HUNK: variants seen among roughly 807,000 people sequenced by gnomAD.
HUNK encodes the protein hormonally up-regulated neu tumor-associated kinase.
A neutral mutation model predicts 61.0 loss-of-function variants in HUNK; 21 were observed. The observed-to-expected ratio is 0.34, with a 90% confidence interval of 0.24 to 0.50. The LOEUF is 0.50. Among genes scored for constraint, HUNK ranks in the 20% least tolerant of loss-of-function variants. The pLI is 0.98. For synonymous variants in HUNK, 371 were observed against 386.1 expected (o/e 0.96, Z 0.46); for missense variants, 772 against 945.7 (o/e 0.82, Z 2.41).
chr21:31,907,391 C>T (rs1161545680), intron 1 of HUNK, among the ~76,000 whole-genome samples: 3 of 152,184 alleles, frequency 2.0e-5, no homozygotes, highest in East Asian at 1.9e-4. Flanking sequence ...TGTCCTTTTA[C>T]GTACTGTGGC....
In HUNK at chr21:31,947,766, C is replaced by G. The variant is rs1209904799; in HGVS notation, c.746+1595C>G. On this transcript the variant is annotated intron_variant, in intron 4 of 10. Transcript: ENST00000270112. ...TGTCAGTGATGGTACAGGGTCAGTTCAGAGTCTTGGATTCTTGGATAGGAC... is the reference window on the plus strand; with the variant it reads ...TGTCAGTGATGGTACAGGGTCAGTTGAGAGTCTTGGATTCTTGGATAGGAC... Among the ~76,000 whole-genome samples, 5 of 152,180 alleles carry G rather than the reference C, an allele frequency of 3.3e-5. No individual in the cohort carries two copies. The East Asian group carries it at 9.6e-4, about 29-fold the overall frequency.
intron 4 of HUNK, among the ~76,000 whole-genome samples, chr21:31,956,053 A>G (rs2052887576): frequency 6.6e-6 from 1 of 152,230 alleles, no homozygotes; most frequent in Admixed American, 6.5e-5. Flanking sequence ...AGGGCAGAGG[A>G]CTGGGTTGTT....
At position 31,999,090 on chromosome 21, in the gene HUNK, A is replaced by T; in HGVS notation, c.2051A>T (p.Asp684Val). ...KRHQSLQPSADRPLEASLPPL... is the reference protein window; with the variant it reads ...KRHQSLQPSAVRPLEASLPPL... ...CATCAGAGTCTGCAGCCATCTGCAG[A>T]TAGGCCCCTGGAGGCCAGCCTGCCC... Residue 684 changes from aspartate (D) to valine (V), a missense_variant, in exon 11 of 11, where the codon GAT becomes GTT. Around this residue, in one of 2 missense-constraint regions of HUNK, gnomAD observed 413 missense variants for 444.4 expected, o/e 0.93. Coordinates refer to ENST00000270112, the MANE Select transcript of HUNK (RefSeq NM_014586.2). 3.1e-6 allele frequency: 5 copies of T among 1,614,208 alleles called. No individual in the cohort carries two copies. Among genetic ancestry groups the T allele is most frequent in the Non-Finnish European group, 3.4e-6 (4 of 1,180,022 alleles).
intron 1 of HUNK, among the ~76,000 whole-genome samples, chr21:31,895,151 T>A (rs2052416656): frequency 6.6e-6 from 1 of 152,168 alleles, no homozygotes; most frequent in African/African-American, 2.4e-5. Context: ...TCAGTGTGTT[T>A]ATGTCACTCA....
chr21:31,930,838 A>T (rs567004528), intron 2 of HUNK, among the ~76,000 whole-genome samples: 1 of 152,228 alleles, frequency 6.6e-6, no homozygotes, highest in East Asian at 1.9e-4. Context: ...TTTTTAGGTC[A>T]CAATTTGTAG....
At chr21:31,994,548 C>T (rs779638703) in intron 9 of HUNK, among the ~76,000 whole-genome samples, 5 of 152,106 alleles carry the variant, frequency 3.3e-5, no homozygotes, top group Non-Finnish European at 5.9e-5. Context: ...TTTTTTCCTC[C>T]TCACCCACGG....
At chr21:31,890,234 C>CT (rs535992198) in intron 1 of HUNK, among the ~76,000 whole-genome samples, 38,275 of 146,296 alleles carry the variant, frequency 0.26, 5,925 homozygotes, top group Middle Eastern at 0.39. Flanking sequence ...TTTTAGATAC[C>CT]TTTTTTTTTT....
chr21:31,874,860 C>T (rs2052248114), intron 1 of HUNK, among the ~76,000 whole-genome samples: 1 of 152,124 alleles, frequency 6.6e-6, no homozygotes, highest in Non-Finnish European at 1.5e-5. Flanking sequence ...CCTTGCCAGG[C>T]GAGGGGCAGG....
At chr21:31,898,816 G>A (rs1486867983) in intron 1 of HUNK, among the ~76,000 whole-genome samples, 1 of 152,100 alleles carries the variant, frequency 6.6e-6, no homozygotes. Flanking sequence ...GAGAGAAAGG[G>A]CAGTGTCTAC....
chr21:31,974,611 G>T lies in HUNK; in HGVS notation c.1067G>T (p.Gly356Val). 1 of 1,613,866 alleles carries T rather than the reference G, an allele frequency of 6.2e-7. No individual in the cohort carries two copies. The highest frequency in any genetic ancestry group is 8.5e-7 in the Non-Finnish European group (1 of 1,179,968). The change falls in exon 7 of 11, where the codon GGT becomes GTT. Residue 356 changes from glycine (G) to valine (V), a missense_variant. Transcript: ENST00000270112. ...SVVLHMTEKL[G>V]YKNSDVINTV... ...GTGCTGCACATGACCGAGAAGCTGGGTTACAAGAACAGCGACGTGATCAAC... is the reference window on the plus strand; with the variant it reads ...GTGCTGCACATGACCGAGAAGCTGGTTTACAAGAACAGCGACGTGATCAAC...
chr21:31,949,788 G>T (rs1005263493), intron 4 of HUNK, among the ~76,000 whole-genome samples: 2 of 152,198 alleles, frequency 1.3e-5, no homozygotes, highest in African/African-American at 2.4e-5. Flanking sequence ...GCCCCAGGCC[G>T]CTTCCACTCA....
rs185188463 is a variant in HUNK at position 31,990,051 on chromosome 21, A to G, written c.1258-78A>G. 118 of 1,263,482 alleles carry G rather than the reference A, an allele frequency of 9.3e-5. 1 individual carries two copies. In the East Asian group the frequency reaches 2.2e-3, roughly 23 times the overall value. 78.3% of individuals were successfully genotyped at this position (1,263,482 alleles called of 1,614,324 possible). ...ACGAATAATTCTCAACCAGAGCTGC[A>G]GGGCCGTAGGGGAAGCATTTAGGGA... On this transcript the variant is annotated intron_variant, in intron 8 of 10. Transcript: ENST00000270112.
intron 1 of HUNK, among the ~76,000 whole-genome samples, chr21:31,914,234 C>A (rs1422852794): frequency 6.6e-6 from 1 of 151,724 alleles, no homozygotes; most frequent in Non-Finnish European, 1.5e-5. Context: ...ATGGAGAAAC[C>A]CCGTCTCTAC....
intron 1 of HUNK, among the ~76,000 whole-genome samples, chr21:31,893,483 G>A (rs940853997): frequency 6.6e-6 from 1 of 152,084 alleles, no homozygotes; most frequent in East Asian, 1.9e-4. Flanking sequence ...TCATGTTCTG[G>A]TCTCCTATAG....
At chr21:31,956,713 C>T (rs562208044) in intron 4 of HUNK, among the ~76,000 whole-genome samples, 3 of 152,284 alleles carry the variant, frequency 2.0e-5, no homozygotes, top group African/African-American at 7.2e-5. Context: ...CTTTCTGTTG[C>T]GTGCCATCAT....
chr21:31,873,574 C>G lies in HUNK; in HGVS notation c.-101C>G, dbSNP rs1192813503. 1.1e-6 allele frequency: 1 copy of G among 922,592 alleles called. No homozygotes were observed. The highest frequency in any genetic ancestry group is 1.2e-4 in the East Asian group (1 of 8,494). 57.2% of individuals were successfully genotyped at this position (922,592 alleles called of 1,614,324 possible). On this transcript the variant is annotated 5_prime_UTR_variant, in exon 1 of 11. Transcript: ENST00000270112. This position sits in a 1 kb window ranked among gnomAD's most constrained non-coding sequence, Gnocchi z 6.1. ...GCGGAGACCCAGGCGGGGCTGGGCC[C>G]AGGGCGGCGGCGGGAGAAGCCGGGG...
chr21:31,979,766 T>A (rs561437548), intron 7 of HUNK, among the ~76,000 whole-genome samples: 2 of 150,838 alleles, frequency 1.3e-5, no homozygotes, highest in Admixed American at 1.3e-4. Flanking sequence ...CTGCCCACCT[T>A]GGCCTCCCAA....
Position 31,963,799 on chromosome 21 carries a change from T to A in HUNK, c.875-4451T>A, listed in dbSNP as rs566989810. Among the ~76,000 whole-genome samples, 10 of 147,522 alleles carry A rather than the reference T, an allele frequency of 6.8e-5. No homozygotes were observed. In the South Asian group the frequency reaches 2.3e-3, roughly 33 times the overall value. On this transcript the variant is annotated intron_variant, in intron 5 of 10. Coordinates refer to ENST00000270112, the MANE Select transcript of HUNK (RefSeq NM_014586.2). Reference sequence around the variant, plus strand: ...TGCTGGGGTACTGCACCTGGCCCTGTCACTCATATATGTAATGATCATATC... The same window carrying A: ...TGCTGGGGTACTGCACCTGGCCCTGACACTCATATATGTAATGATCATATC...
chr21:31,961,432 T>A (rs1307489858), intron 5 of HUNK, among the ~76,000 whole-genome samples: 1 of 152,190 alleles, frequency 6.6e-6, no homozygotes, highest in African/African-American at 2.4e-5. Context: ...AATTGCTGGG[T>A]TGGGTAGTAA....
Sources: gnomAD v4.1 joint callset for allele counts (sites outside exome capture counted in the v4.1 genomes callset) on GRCh38, gnomAD v4.1.1 for gene constraint, gnomAD v4.1.1 regional missense constraint, Gnocchi (gnomAD v3.1) non-coding constraint, MANE v1.5 for transcripts, NCBI Gene and HGNC (gene_info 2026-07-23, HGNC 2026-07-21) for gene names.